Variants in TAFA2 observed in about 807,000 individuals in gnomAD.
The protein encoded by TAFA2 is chemokine-like protein TAFA-2.
Under a neutral mutation model 18.8 loss-of-function variants are expected in TAFA2, and 7 were observed. The observed-to-expected ratio is 0.37, with a 90% confidence interval of 0.21 to 0.70. The LOEUF (loss-of-function observed/expected upper bound fraction) is 0.70, where lower values mean the gene tolerates loss of function less well. Among genes scored for constraint, TAFA2 ranks in the 30% least tolerant of loss-of-function variants. TAFA2 has a pLI of 0.53. For synonymous variants in TAFA2, 60 were observed against 54.2 expected (o/e 1.11, Z -0.47); for missense variants, 122 against 158.1 (o/e 0.77, Z 1.23).
intron 4 of TAFA2, among the ~76,000 whole-genome samples, chr12:61,745,783 A>G (rs1481879475): frequency 1.3e-5 from 2 of 152,042 alleles, no homozygotes; most frequent in African/African-American, 2.4e-5. Flanking sequence ...TAAGAGAGGG[A>G]GATTACCCTG....
At chr12:61,817,599 A>C (rs545080502) in intron 2 of TAFA2, among the ~76,000 whole-genome samples, 1 of 152,280 alleles carries the variant, frequency 6.6e-6, no homozygotes, top group South Asian at 2.1e-4. Context: ...TAGTGTTTTA[A>C]AGAGGTTCTT....
intron 1 of TAFA2, among the ~76,000 whole-genome samples, chr12:61,927,582 C>A (rs961908695): frequency 2.6e-5 from 4 of 152,182 alleles, no homozygotes; most frequent in African/African-American, 9.7e-5. Flanking sequence ...AATGGCCCTA[C>A]TACCCAAAGT....
chr12:61,957,379 C>G (rs1345452454), intron 1 of TAFA2, among the ~76,000 whole-genome samples: 1 of 152,106 alleles, frequency 6.6e-6, no homozygotes, highest in Non-Finnish European at 1.5e-5. Flanking sequence ...ACAGCAAAGA[C>G]AGCTGGGGAT....
chr12:62,171,241 G>T (rs192306883), intron 1 of TAFA2, among the ~76,000 whole-genome samples: 14 of 151,928 alleles, frequency 9.2e-5, no homozygotes, highest in African/African-American at 2.7e-4. Flanking sequence ...TGAAGAAAAA[G>T]GATAAAAGAA....
At chr12:62,057,593 A>C (rs1312283997) in intron 1 of TAFA2, among the ~76,000 whole-genome samples, 1 of 151,672 alleles carries the variant, frequency 6.6e-6, no homozygotes, top group Non-Finnish European at 1.5e-5. Flanking sequence ...GTTTTACTTT[A>C]CTCAGTTTGG....
chr12:61,768,483 G>A (rs749184229), intron 2 of TAFA2, among the ~76,000 whole-genome samples: 7 of 152,208 alleles, frequency 4.6e-5, no homozygotes, highest in South Asian at 2.1e-4. Context: ...TGTAGGTTTC[G>A]TGAGATGGCC....
At chr12:61,733,358 C>T (rs919118009) in intron 4 of TAFA2, among the ~76,000 whole-genome samples, 1 of 152,038 alleles carries the variant, frequency 6.6e-6, no homozygotes, top group Non-Finnish European at 1.5e-5. Context: ...ATGCCTATGT[C>T]CTGAATGGTA....
chr12:62,077,527 G>A (rs570921333), intron 1 of TAFA2, among the ~76,000 whole-genome samples: 5 of 152,212 alleles, frequency 3.3e-5, no homozygotes, highest in East Asian at 1.9e-4. Context: ...GGCCAATTTC[G>A]GAGAAGAAAT....
At chr12:62,167,984 A>T (rs1669248015) in intron 1 of TAFA2, among the ~76,000 whole-genome samples, 1 of 152,216 alleles carries the variant, frequency 6.6e-6, no homozygotes, top group Non-Finnish European at 1.5e-5. Flanking sequence ...TAAATTCATA[A>T]TCATACTTTC....
In TAFA2 at chr12:61,914,406, G is replaced by A. The variant is rs77946053; in HGVS notation, c.-1-46980C>T. Among the ~76,000 whole-genome samples the A allele has an allele frequency of 6.6e-5, 10 of 152,272 alleles. 1 individual carries two copies. The East Asian group carries it at 1.2e-3, about 18-fold the overall frequency. ...TCCCACTGTGGCTTGCTTAGAAGTC[G>A]AATGGTATGGAAGTTCAGGCAATCA... On this transcript the variant is annotated intron_variant, in intron 1 of 4. Transcript: ENST00000416284.
At chr12:61,928,042 T>TA (rs1877382895) in intron 1 of TAFA2, among the ~76,000 whole-genome samples, 2 of 152,110 alleles carry the variant, frequency 1.3e-5, no homozygotes, top group South Asian at 4.1e-4. Context: ...ACATAAAACC[T>TA]AAAACCATAA....
At chr12:62,184,489 G>GAA (rs1245599931) in intron 1 of TAFA2, among the ~76,000 whole-genome samples, 1 of 70,798 alleles carries the variant, frequency 1.4e-5, no homozygotes, top group African/African-American at 4.5e-5. Context: ...GAACACACGG[G>GAA]AAAAAAAAAA....
intron 2 of TAFA2, among the ~76,000 whole-genome samples, chr12:61,768,889 G>A (rs1413838260): frequency 1.3e-5 from 2 of 152,034 alleles, no homozygotes; most frequent in Non-Finnish European, 1.5e-5. Flanking sequence ...AGCAAATGGG[G>A]AGATGTGAAG....
chr12:61,831,571 AAAC>A (rs1872721556), intron 2 of TAFA2, among the ~76,000 whole-genome samples: 1 of 152,142 alleles, frequency 6.6e-6, no homozygotes, highest in Non-Finnish European at 1.5e-5. Flanking sequence ...TTTTGTAATG[AAAC>A]AACAGAAAGT....
intron 1 of TAFA2, among the ~76,000 whole-genome samples, chr12:61,926,629 T>G (rs1877304885): frequency 6.6e-6 from 1 of 152,184 alleles, no homozygotes; most frequent in Non-Finnish European, 1.5e-5. Flanking sequence ...AGAAAAGGCC[T>G]TCGATAAAAT....
At chr12:61,756,933 G>A (rs1056179359) in intron 2 of TAFA2, among the ~76,000 whole-genome samples, 2 of 152,092 alleles carry the variant, frequency 1.3e-5, no homozygotes, top group African/African-American at 4.8e-5. Context: ...AGCAAAGATG[G>A]CCAGGGTGGC....
At chr12:61,877,140 T>C (rs142090100) in intron 1 of TAFA2, among the ~76,000 whole-genome samples, 2 of 152,332 alleles carry the variant, frequency 1.3e-5, no homozygotes, top group East Asian at 3.9e-4. Context: ...GCAACCACTC[T>C]GTGCTACAAA....
chr12:62,102,961 A>C (rs1246176452), intron 1 of TAFA2, among the ~76,000 whole-genome samples: 1 of 152,146 alleles, frequency 6.6e-6, no homozygotes, highest in Non-Finnish European at 1.5e-5. Flanking sequence ...TGTTTCCCAC[A>C]TATATTCTGG....
At chr12:62,121,517 A>C (rs900508436) in intron 1 of TAFA2, among the ~76,000 whole-genome samples, 2 of 152,200 alleles carry the variant, frequency 1.3e-5, no homozygotes, top group African/African-American at 2.4e-5. Context: ...GAGTATTTTT[A>C]AACTATAACG....
Sources: allele counts gnomAD v4.1 joint callset (sites outside exome capture counted in the v4.1 genomes callset), GRCh38; gene constraint gnomAD v4.1.1; transcripts MANE v1.5; gene names NCBI Gene and HGNC (gene_info 2026-07-23, HGNC 2026-07-21).